Variants in FAM178B observed in about 807,000 individuals in gnomAD.
The protein encoded by FAM178B is family with sequence similarity 178 member B.
In FAM178B, 82 loss-of-function variants were observed where a neutral mutation model predicts 91.7. The observed-to-expected ratio is 0.89, with a 90% CI of 0.75 to 1.07. The LOEUF is 1.07. Ranked by LOEUF, FAM178B falls within the 50% of genes least tolerant of loss-of-function variation. The pLI is 0.00. For missense variants in FAM178B, 769 were observed against 846.7 expected (o/e 0.91, Z 1.14); for synonymous variants, 368 against 359.4 (o/e 1.02, Z -0.27).
chr2:96,969,451 C>G (rs1025061078), intron 4 of FAM178B, among the ~76,000 whole-genome samples: 2 of 152,170 alleles, frequency 1.3e-5, no homozygotes, highest in African/African-American at 4.8e-5. Context: ...AACCTCAATC[C>G]TGGGCTGCTG....
chr2:96,965,507 G>A (rs984478680), intron 5 of FAM178B, among the ~76,000 whole-genome samples: 7 of 151,596 alleles, frequency 4.6e-5, no homozygotes, highest in African/African-American at 1.5e-4. Flanking sequence ...GTGTCACCCA[G>A]GCTGTGGTGC....
chr2:96,903,898 A>G, intron 12 of FAM178B, among the ~76,000 whole-genome samples: 1 of 152,194 alleles, frequency 6.6e-6, no homozygotes, highest in East Asian at 1.9e-4. Context: ...GGAAAGAGTC[A>G]AGAAAGTCAG....
At chr2:96,979,361 C>A (rs986309145) in intron 1 of FAM178B, among the ~76,000 whole-genome samples, 1 of 145,360 alleles carries the variant, frequency 6.9e-6, no homozygotes, top group Non-Finnish European at 1.5e-5. Context: ...CTCACTGCAA[C>A]CTCAATTTTT....
At chr2:96,905,617 G>C (rs2081015944) in intron 12 of FAM178B, among the ~76,000 whole-genome samples, 1 of 149,324 alleles carries the variant, frequency 6.7e-6, no homozygotes, top group Non-Finnish European at 1.5e-5. Flanking sequence ...AGATAGGATT[G>C]CTAGATTTAG....
chr2:96,919,289 AG>A (rs749096653), intron 12 of FAM178B, among the ~76,000 whole-genome samples: 2 of 152,154 alleles, frequency 1.3e-5, no homozygotes, highest in Non-Finnish European at 2.9e-5. Flanking sequence ...GAGGTGGATG[AG>A]GGGGCCTAGG....
At chr2:96,894,179 C>A (rs1384966310) in intron 13 of FAM178B, 128 bp from the exon 14 acceptor site, 4 of 998,696 alleles carry the variant, frequency 4.0e-6, no homozygotes, top group Non-Finnish European at 5.9e-6. Context: ...GAGACACAGA[C>A]CCACCTCTAC....
chr2:96,909,812 C>T (rs1392355884), intron 12 of FAM178B, among the ~76,000 whole-genome samples: 2 of 152,180 alleles, frequency 1.3e-5, no homozygotes, highest in African/African-American at 4.8e-5. Context: ...GTATTCATGT[C>T]ATCTGTGAAT....
At chr2:96,965,246 G>A (rs2082129239) in intron 5 of FAM178B, among the ~76,000 whole-genome samples, 1 of 152,074 alleles carries the variant, frequency 6.6e-6, no homozygotes, top group Non-Finnish European at 1.5e-5. Flanking sequence ...TGGCTCAAGT[G>A]ATTCACCTGC....
At position 96,917,932 on chromosome 2, in the gene FAM178B, A is replaced by G. The variant is rs560906802; in HGVS notation, c.1562+3233T>C. Among the ~76,000 whole-genome samples the G allele has an allele frequency of 2.0e-5, 3 of 152,228 alleles. No individual in the cohort carries two copies. In the South Asian group the frequency reaches 6.2e-4, roughly 32 times the overall value. On this transcript the variant is annotated intron_variant, in intron 12 of 16. Coordinates refer to ENST00000490605, the MANE Select transcript of FAM178B (RefSeq NM_001122646.3). ...TTGGGGATGGAAAAAATCAAGTTAG[A>G]TCCTTCTCTCATACCAAGGACAAAC...
At chr2:96,970,801 G>A in intron 3 of FAM178B, 24 bp from the exon 4 acceptor site, 3 of 1,503,212 alleles carry the variant, frequency 2.0e-6, no homozygotes, top group Non-Finnish European at 2.7e-6. Flanking sequence ...ACATGGGAAT[G>A]AGGACGACAG....
At chr2:96,926,106 C>A (rs2081433679) in intron 9 of FAM178B, among the ~76,000 whole-genome samples, 1 of 152,154 alleles carries the variant, frequency 6.6e-6, no homozygotes, top group South Asian at 2.1e-4. Flanking sequence ...AAGTTCAAGA[C>A]CAGCCTGGCC....
intron 12 of FAM178B, among the ~76,000 whole-genome samples, chr2:96,905,766 G>A (rs1395469209): frequency 1.5e-5 from 2 of 129,164 alleles, no homozygotes; most frequent in Admixed American, 8.8e-5. Context: ...GAGAAAACTC[G>A]TCTCTACTAA....
intron 12 of FAM178B, among the ~76,000 whole-genome samples, chr2:96,912,563 G>A (rs916242053): frequency 6.6e-6 from 1 of 152,106 alleles, no homozygotes; most frequent in African/African-American, 2.4e-5. Context: ...CCCTGGTGAC[G>A]GAGCAGCTTG....
rs758108649 is a variant in FAM178B at position 96,972,223 on chromosome 2, C to T, written c.242G>A (p.Arg81Gln). ...TGGAGCCGAGGCAGGGCTGCAGGGC[C>T]GCCGGGCAGGGCAGCGGGGCCCCTG... is the stretch of plus-strand genomic sequence containing the variant. ...LDQGPRCPARRPCSPASAPAP... is the reference protein window; with the variant it reads ...LDQGPRCPARQPCSPASAPAP... The change falls in exon 3 of 17, where the codon CGG becomes CAG. Residue 81 changes from arginine to glutamine, a missense_variant. By Grantham distance (43) the Arg-to-Gln change is conservative. Coordinates refer to ENST00000490605, the MANE Select transcript of FAM178B (RefSeq NM_001122646.3). 1.0e-5 allele frequency: 16 copies of T among 1,540,304 alleles called. No homozygotes were observed. Among genetic ancestry groups the T allele is most frequent in the Admixed American group, 1.0e-4 (5 of 49,358 alleles).
intron 12 of FAM178B, among the ~76,000 whole-genome samples, chr2:96,910,056 A>C (rs1574233271): frequency 1.3e-5 from 2 of 152,334 alleles, no homozygotes; most frequent in Non-Finnish European, 2.9e-5. Flanking sequence ...GGAAACCTAC[A>C]TACAGGCACT....
At chr2:96,975,182 G>A (rs2082274293) in intron 1 of FAM178B, among the ~76,000 whole-genome samples, 1 of 151,850 alleles carries the variant, frequency 6.6e-6, no homozygotes, top group South Asian at 2.1e-4. Context: ...CTGTCAGATG[G>A]GGGAATGAAT....
chr2:96,954,630 T>C (rs1423029482), intron 6 of FAM178B, among the ~76,000 whole-genome samples: 1 of 152,244 alleles, frequency 6.6e-6, no homozygotes, highest in Non-Finnish European at 1.5e-5. Context: ...TAGTTATTTA[T>C]ACGTATCAGC....
intron 7 of FAM178B, chr2:96,950,008 C>T: frequency 1.2e-5 from 12 of 985,872 alleles, no homozygotes; most frequent in Non-Finnish European, 1.4e-5. Flanking sequence ...TCCTGCACTC[C>T]TCTCCCCTCC....
At position 96,972,300 on chromosome 2, in the gene FAM178B, C is replaced by T. The variant is rs755186069; in HGVS notation, c.165G>A (p.Val55=). The T allele has an allele frequency of 2.7e-5, 40 of 1,472,672 alleles. No homozygotes were observed. The highest frequency in any genetic ancestry group is 5.6e-5 in the South Asian group (4 of 71,250). 91.2% of individuals were successfully genotyped at this position (1,472,672 alleles called of 1,614,324 possible). A position where few individuals can be genotyped will look rare whatever the true frequency, so the allele number is the denominator to read the frequency against. The part of the protein sequence containing the change: ...LREGVQAAAT[V]PILLYNLEDG... ...CCTCCAGGTTGTACAGGAGGATGGGCACGGTGGCGGCAGCCTGCACCCCTG... is the reference window on the plus strand; with the variant it reads ...CCTCCAGGTTGTACAGGAGGATGGGTACGGTGGCGGCAGCCTGCACCCCTG... The change falls in exon 3 of 17, where the codon GTG becomes GTA. Residue 55 remains valine, a synonymous_variant. Coordinates refer to ENST00000490605, the MANE Select transcript of FAM178B (RefSeq NM_001122646.3).
Sources: gnomAD v4.1 joint callset for allele counts (sites outside exome capture counted in the v4.1 genomes callset) on GRCh38, gnomAD v4.1.1 for gene constraint, MANE v1.5 for transcripts, NCBI Gene and HGNC (gene_info 2026-07-23, HGNC 2026-07-21) for gene names.